RASGEF1C: variants seen among roughly 807,000 people sequenced by gnomAD.
RASGEF1C encodes RasGEF domain family member 1C.
Under a neutral mutation model 58.1 loss-of-function variants are expected in RASGEF1C, and 27 were observed. The ratio of observed to expected loss-of-function variants is 0.46; its 90% confidence interval spans 0.34 to 0.64. The LOEUF (loss-of-function observed/expected upper bound fraction) is 0.64. RASGEF1C is among the 30% of genes least tolerant of loss of function. RASGEF1C has a pLI of 0.01. For missense variants in RASGEF1C, 502 were observed against 605.1 expected (o/e 0.83, Z 1.79); for synonymous variants, 243 against 246.3 (o/e 0.99, Z 0.13).
intron 1 of RASGEF1C, among the ~76,000 whole-genome samples, chr5:180,171,320 C>T (rs1767103020): frequency 6.6e-6 from 1 of 151,886 alleles, no homozygotes; most frequent in African/African-American, 2.4e-5. Flanking sequence ...ACTGCTGACC[C>T]CAGAGGCCAC....
At chr5:180,130,008 C>T (rs1007486802) in intron 4 of RASGEF1C, among the ~76,000 whole-genome samples, 8 of 152,192 alleles carry the variant, frequency 5.3e-5, no homozygotes, top group Non-Finnish European at 1.0e-4. Context: ...AGCAAGAGCC[C>T]GTGCGTCTGA....
At chr5:180,183,157 G>C (rs11744383) in intron 1 of RASGEF1C, among the ~76,000 whole-genome samples, 128,208 of 152,196 alleles carry the variant, frequency 0.84, 54,112 homozygotes, top group Admixed American at 0.88. Flanking sequence ...TGATGGTCTT[G>C]AAGAAGCAAG....
intron 1 of RASGEF1C, among the ~76,000 whole-genome samples, chr5:180,169,201 G>A (rs530926408): frequency 6.6e-6 from 1 of 152,316 alleles, no homozygotes; most frequent in South Asian, 2.1e-4. Context: ...GATGATTTAG[G>A]TAGGAATATA....
At chr5:180,105,760 T>C (rs1172497538) in intron 12 of RASGEF1C, among the ~76,000 whole-genome samples, 1 of 151,224 alleles carries the variant, frequency 6.6e-6, no homozygotes, top group Non-Finnish European at 1.5e-5. Context: ...CCCAGTGACT[T>C]GGGTGGCTGA....
At chr5:180,102,210 A>G (rs1264866637) in intron 12 of RASGEF1C, 67 bp from the exon 13 acceptor site, 60 of 926,084 alleles carry the variant, frequency 6.5e-5, no homozygotes, top group South Asian at 5.7e-4. Flanking sequence ...TACACCTGCT[A>G]TATCTGCGTG....
chr5:180,152,035 G>A (rs1393528989), intron 1 of RASGEF1C, among the ~76,000 whole-genome samples: 2 of 149,228 alleles, frequency 1.3e-5, no homozygotes, highest in South Asian at 2.1e-4. Flanking sequence ...TCTCACACCA[G>A]TTAGAATGGC....
intron 1 of RASGEF1C, among the ~76,000 whole-genome samples, chr5:180,194,030 T>G (rs1228961746): frequency 1.3e-5 from 2 of 151,280 alleles, no homozygotes; most frequent in African/African-American, 4.9e-5. Flanking sequence ...GTTTTCTGTA[T>G]GAAAAGGTTG....
At chr5:180,103,202 C>A (rs552989497) in intron 12 of RASGEF1C, among the ~76,000 whole-genome samples, 1 of 152,152 alleles carries the variant, frequency 6.6e-6, no homozygotes, top group Non-Finnish European at 1.5e-5. Flanking sequence ...CTCACCCTCC[C>A]GAGTGGCTGG....
At chr5:180,125,643 G>T (rs909659326) in intron 6 of RASGEF1C, among the ~76,000 whole-genome samples, 2 of 151,954 alleles carry the variant, frequency 1.3e-5, no homozygotes, top group Non-Finnish European at 2.9e-5. Context: ...TTAGCCAGGC[G>T]TGGTGGCGCA....
chr5:180,203,812 T>C (rs918586395), intron 1 of RASGEF1C, among the ~76,000 whole-genome samples: 7 of 151,924 alleles, frequency 4.6e-5, no homozygotes, highest in East Asian at 3.9e-4. Context: ...CTGGCCAACA[T>C]GATGAAACCC....
At chr5:180,112,967 GATGGA>G (rs1765986801) in intron 11 of RASGEF1C, among the ~76,000 whole-genome samples, 1 of 148,408 alleles carries the variant, frequency 6.7e-6, no homozygotes, top group Admixed American at 6.7e-5. Context: ...AGGGACCGGG[GATGGA>G]CGGAGGGACC....
chr5:180,165,879 A>G (rs1008842147), intron 1 of RASGEF1C, among the ~76,000 whole-genome samples: 1 of 147,740 alleles, frequency 6.8e-6, no homozygotes, highest in East Asian at 2.1e-4. Flanking sequence ...CCTCCTGAGT[A>G]GCTGGGACTA....
chr5:180,167,502 AAAT>A (rs1767041428), intron 1 of RASGEF1C, among the ~76,000 whole-genome samples: 1 of 152,080 alleles, frequency 6.6e-6, no homozygotes, highest in East Asian at 1.9e-4. Context: ...ATAAATAAAT[AAAT>A]AATAAAATAA....
Position 180,105,519 on chromosome 5 carries a change from G to A in RASGEF1C, c.1304-3376C>T, listed in dbSNP as rs371900705. 1.5e-3 allele frequency among the ~76,000 whole-genome samples: 223 copies of A among 150,724 alleles called. 1 individual carries two copies. Among genetic ancestry groups the A allele is most frequent in the African/African-American group, 5.1e-3 (207 of 40,972 alleles). On this transcript the variant is annotated intron_variant, in intron 12 of 13. Coordinates refer to ENST00000361132, the MANE Select transcript of RASGEF1C (RefSeq NM_175062.4). ...GGAGGTTGCAGTGAGCCGCGACTGC[G>A]CCACTGCACTCCATCCTGGGTGACA...
intron 1 of RASGEF1C, among the ~76,000 whole-genome samples, chr5:180,195,485 G>T (rs1756250033): frequency 1.3e-5 from 2 of 152,232 alleles, no homozygotes; most frequent in Admixed American, 1.3e-4. Flanking sequence ...CAAGGGCCGG[G>T]CACGGTGGCT....
intron 1 of RASGEF1C, among the ~76,000 whole-genome samples, chr5:180,173,152 AC>A (rs1268748979): frequency 2.6e-5 from 4 of 152,170 alleles, no homozygotes; most frequent in African/African-American, 4.8e-5. Flanking sequence ...CTGCGAATTT[AC>A]TGGCCTTATT....
chr5:180,173,664 C>T lies in RASGEF1C; in HGVS notation c.-7+35364G>A, dbSNP rs529744215. Among the ~76,000 whole-genome samples, 449 of 152,046 alleles carry T rather than the reference C, an allele frequency of 3.0e-3. 2 individuals are homozygous for T. Among genetic ancestry groups the T allele is most frequent in the Non-Finnish European group, 4.6e-3 (313 of 68,028 alleles). ...GCACGGTGGCTCCCGCCTGTAGTCC[C>T]AGCACTTTGGGAGGCCAAGGTGGGC... On this transcript the variant is annotated intron_variant, in intron 1 of 13. Coordinates refer to ENST00000361132, the MANE Select transcript of RASGEF1C (RefSeq NM_175062.4).
chr5:180,151,649 T>C (rs1271974762), intron 1 of RASGEF1C, among the ~76,000 whole-genome samples: 9 of 151,340 alleles, frequency 5.9e-5, no homozygotes, highest in Non-Finnish European at 3.0e-5. Flanking sequence ...ATTCAGGACA[T>C]AGGCATAGGC....
chr5:180,173,387 G>A (rs1386048459), intron 1 of RASGEF1C, among the ~76,000 whole-genome samples: 1 of 152,182 alleles, frequency 6.6e-6, no homozygotes, highest in Admixed American at 6.5e-5. Flanking sequence ...CTCTGTGGCT[G>A]CCCAGGGTGT....
Sources: allele counts gnomAD v4.1 joint callset (sites outside exome capture counted in the v4.1 genomes callset), GRCh38; gene constraint gnomAD v4.1.1; transcripts MANE v1.5; gene names NCBI Gene and HGNC (gene_info 2026-07-23, HGNC 2026-07-21).